Variants in ANO1 observed in about 807,000 individuals in gnomAD.
ANO1 encodes anoctamin 1.
Under a neutral mutation model 124.0 loss-of-function variants are expected in ANO1, and 59 were observed. The ratio of observed to expected loss-of-function variants is 0.48; its 90% CI spans 0.39 to 0.59. The LOEUF is 0.59. ANO1 is among the 20% of genes least tolerant of loss of function. The pLI is 0.00. For missense variants in ANO1, 1,059 were observed against 1,328.0 expected, an observed-to-expected ratio of 0.80 and a Z score of 3.15; for synonymous variants, 529 against 532.0, an observed-to-expected ratio of 0.99 and a Z score of 0.08.
At chr11:70,139,865 C>T (rs186038766) in intron 11 of ANO1, among the ~76,000 whole-genome samples, 5 of 152,354 alleles carry the variant, frequency 3.3e-5, no homozygotes, top group Admixed American at 1.3e-4. Context: ...CCCTACTCCG[C>T]GGGCATTACT....
chr11:69,975,241 GCCTCCCTACCC>G, the ANO1 span, among the ~76,000 whole-genome samples: 1 of 152,218 alleles, frequency 6.6e-6, no homozygotes, highest in Admixed American at 6.5e-5. Context: ...TGGAGCAGTG[GCCTCCCTACCC>G]CCTCCCCACA....
At chr11:69,979,525 T>TA in the ANO1 span, among the ~76,000 whole-genome samples, 1 of 152,110 alleles carries the variant, frequency 6.6e-6, no homozygotes, top group African/African-American at 2.4e-5. Flanking sequence ...ACAACAGAGA[T>TA]AAAAATAATA....
rs76173007 is a variant in ANO1 at position 70,068,725 on chromosome 11, G to A, written c.59-9817G>A. ...TGGTAAGGGGCTCTCTCGCTGGCAC[G>A]CCCCCTACTCTTTCCCTAGCCCACT... On this transcript the variant is annotated intron_variant, in intron 1 of 27. Transcript: ENST00000531349. Among the ~76,000 whole-genome samples the A allele has an allele frequency of 7.5e-3, 1,135 of 152,180 alleles. 17 individuals carry two copies. Among genetic ancestry groups the A allele is most frequent in the African/African-American group, 0.025 (1,037 of 41,500 alleles).
chr11:70,042,499 C>CACAT (rs1344628566), intron 1 of ANO1, among the ~76,000 whole-genome samples: 1 of 151,778 alleles, frequency 6.6e-6, no homozygotes, highest in East Asian at 1.9e-4. Context: ...CGCACACACA[C>CACAT]ACATACATAT....
chr11:70,091,451 A>G (rs1202591094), intron 2 of ANO1, among the ~76,000 whole-genome samples: 3 of 152,212 alleles, frequency 2.0e-5, no homozygotes, highest in South Asian at 2.1e-4. Context: ...CTACCTGGCC[A>G]GTAGCACCTC....
intron 22 of ANO1, among the ~76,000 whole-genome samples, 174 bp downstream of exon 22, chr11:70,171,213 C>T (rs1432585001): frequency 6.6e-6 from 1 of 152,142 alleles, no homozygotes; most frequent in South Asian, 2.1e-4. Context: ...TGTGGAGGCT[C>T]GCTTAGCCCT....
intron 1 of ANO1, among the ~76,000 whole-genome samples, chr11:70,068,707 G>A (rs1857794487): frequency 1.3e-5 from 2 of 152,094 alleles, no homozygotes; most frequent in South Asian, 4.1e-4. Flanking sequence ...CCATGGTAAG[G>A]GGCTCTCTCG....
chr11:70,028,262 G>A (rs557715680), intron 1 of ANO1, among the ~76,000 whole-genome samples: 102 of 152,272 alleles, frequency 6.7e-4, no homozygotes, highest in African/African-American at 2.4e-3. Flanking sequence ...AAGGGGGACC[G>A]CTGGGTTCAG....
chr11:69,978,543 G>T, the ANO1 span, among the ~76,000 whole-genome samples: 2 of 152,154 alleles, frequency 1.3e-5, no homozygotes, highest in Non-Finnish European at 1.5e-5. Context: ...TAGAGGCAGG[G>T]TCTTGCCATG....
intron 1 of ANO1, among the ~76,000 whole-genome samples, chr11:70,025,551 G>C (rs565582926): frequency 1.4e-4 from 21 of 151,288 alleles, no homozygotes; most frequent in Admixed American, 8.6e-4. Context: ...AGTGGTGATG[G>C]TGATGACAAT....
intron 1 of ANO1, among the ~76,000 whole-genome samples, chr11:70,041,918 C>T (rs1555005101): frequency 6.6e-6 from 1 of 152,034 alleles, no homozygotes; most frequent in Non-Finnish European, 1.5e-5. Flanking sequence ...TACCAACATA[C>T]CATCAGCAAT....
At chr11:70,071,182 G>A (rs11232810) in intron 1 of ANO1, among the ~76,000 whole-genome samples, 21,209 of 152,164 alleles carry the variant, frequency 0.14, 1,666 homozygotes, top group African/African-American at 0.19. Context: ...CTAATATTTC[G>A]GGAATGTGCT....
upstream of ANO1, among the ~76,000 whole-genome samples, chr11:69,983,310 C>G (rs567499614): frequency 1.3e-5 from 2 of 152,284 alleles, no homozygotes; most frequent in Middle Eastern, 3.4e-3. Flanking sequence ...CTGGCCTCAC[C>G]AAGAGCTGCC....
chr11:70,089,992 T>TA (rs2044557063), intron 2 of ANO1, among the ~76,000 whole-genome samples: 1 of 976 alleles, frequency 1.0e-3, no homozygotes, highest in Non-Finnish European at 2.4e-3. Context: ...TTCCCCAGGG[T>TA]TTGTTTGTTT....
intron 1 of ANO1, among the ~76,000 whole-genome samples, chr11:69,999,947 C>G (rs1554998961): frequency 6.6e-6 from 1 of 151,972 alleles, no homozygotes; most frequent in Non-Finnish European, 1.5e-5. Flanking sequence ...GAAGGGAGGC[C>G]CCAAAGAGTT....
upstream of ANO1, chr11:70,075,268 C>T (rs2044043748): frequency 6.6e-6 from 1 of 152,160 alleles, no homozygotes; most frequent in Non-Finnish European, 1.5e-5. Flanking sequence ...CCTGTGCTGC[C>T]TCCTACCAGG....
intron 1 of ANO1, among the ~76,000 whole-genome samples, chr11:70,086,711 GATGTGCCCTTCAAGGTCACTCCGA>G (rs1356946927): frequency 2.0e-5 from 3 of 152,240 alleles, no homozygotes; most frequent in Non-Finnish European, 2.9e-5. Context: ...CTGGCAGTGG[GATGTGCCCTTCAAGGTCACTCCGA>G]GGGTCCCCAG....
intron 1 of ANO1, among the ~76,000 whole-genome samples, chr11:70,086,890 G>A (rs1278346727): frequency 6.6e-6 from 1 of 152,198 alleles, no homozygotes; most frequent in African/African-American, 2.4e-5. Flanking sequence ...GCTCTGTTTG[G>A]GGGAGAGCCC....
intron 25 of ANO1, 59 bp downstream of exon 25, chr11:70,185,754 G>A: frequency 1.3e-6 from 2 of 1,549,452 alleles, no homozygotes; most frequent in Non-Finnish European, 1.8e-6. Flanking sequence ...GGACCATCCT[G>A]TGCCTACAGT....
Sources: gnomAD v4.1 joint callset for allele counts (sites outside exome capture counted in the v4.1 genomes callset) on GRCh38, gnomAD v4.1.1 for gene constraint, MANE v1.5 for transcripts, NCBI Gene and HGNC (gene_info 2026-07-23, HGNC 2026-07-21) for gene names.